Variants in PTGR1 observed in about 807,000 individuals in gnomAD.
PTGR1 encodes the protein 15-oxoprostaglandin 13-reductase.
PTGR1 carries 23 observed loss-of-function variants against 37.7 expected under a neutral mutation model. The ratio of observed to expected loss-of-function variants is 0.61; its 90% confidence interval spans 0.44 to 0.86. PTGR1 has a LOEUF of 0.86. PTGR1 is among the 40% of genes least tolerant of loss of function. The pLI, the probability that PTGR1 is intolerant of heterozygous loss-of-function variation, is 0.00. For synonymous variants in PTGR1, 134 were observed against 140.0 expected (o/e 0.96, Z 0.30); for missense variants, 351 against 394.3 (o/e 0.89, Z 0.93).
chr9:111,551,081 T>A (rs1320078468), intron 9 of PTGR1, among the ~76,000 whole-genome samples: 1 of 152,214 alleles, frequency 6.6e-6, no homozygotes. Flanking sequence ...AATTTCAAAT[T>A]TTCTAGTAGC....
At chr9:111,567,228 A>G (rs1191461664) in intron 9 of PTGR1, among the ~76,000 whole-genome samples, 1 of 152,190 alleles carries the variant, frequency 6.6e-6, no homozygotes, top group Non-Finnish European at 1.5e-5. Flanking sequence ...GTACTCTGTC[A>G]CTGTGCTGGA....
chr9:111,592,677 A>AC (rs1206017479), intron 4 of PTGR1: 2 of 440,502 alleles, frequency 4.5e-6, no homozygotes, highest in East Asian at 7.9e-5. Flanking sequence ...CTGGACAAAT[A>AC]CTTTTTTTTT....
At position 111,578,813 on chromosome 9, in the gene PTGR1, C is replaced by G; in HGVS notation, c.634G>C (p.Asp212His). ...GTACTTACATTATCAAAATAACAATCATAACCATCAGGAGACGCTTTCTTC... is the reference window on the plus strand; with the variant it reads ...GTACTTACATTATCAAAATAACAATGATAACCATCAGGAGACGCTTTCTTC... ...TLKKASPDGY[D>H]CYFDNVGGEF... The change falls in exon 7 of 10, where the codon GAT (aspartate) becomes CAT (histidine). Residue 212 changes from aspartate (D) to histidine (H), a missense_variant. Asp to His is a moderately conservative substitution (Grantham distance 81). Coordinates refer to ENST00000407693, the MANE Select transcript of PTGR1 (RefSeq NM_001146108.2). 6.2e-7 allele frequency: 1 copy of G among 1,602,448 alleles called. No individual in the cohort carries two copies. Among genetic ancestry groups the G allele is most frequent in the Non-Finnish European group, 8.5e-7 (1 of 1,176,456 alleles).
In PTGR1 at chr9:111,589,456, C is replaced by T. The variant is rs1012795412; in HGVS notation, c.210-3291G>A. ...GTTTTTTTAAGAGACAGGGTTTTGC[C>T]ATGTTTCCCAGGCTGGTCTTGAACT... is the stretch of plus-strand genomic sequence containing the variant. On this transcript the variant is annotated intron_variant, in intron 4 of 9. Transcript: ENST00000407693. The T allele has an allele frequency of 4.0e-6, 3 of 746,318 alleles. No homozygotes were observed. In the African/African-American group the frequency reaches 5.8e-5, roughly 14 times the overall value. The allele number at this position is 746,318 out of a possible 1,614,324, so 46.2% of individuals were successfully genotyped here. A position where few individuals can be genotyped will look rare whatever the true frequency, so the allele number is the denominator to read the frequency against.
intron 4 of PTGR1, among the ~76,000 whole-genome samples, chr9:111,586,803 CTATATATATA>C (rs1170334255): frequency 7.0e-6 from 1 of 143,672 alleles, no homozygotes; most frequent in East Asian, 2.0e-4. Flanking sequence ...CTCTCTCTCT[CTATATATATA>C]TATATATGCA....
intron 9 of PTGR1, among the ~76,000 whole-genome samples, chr9:111,555,179 C>T (rs764303850): frequency 7.9e-5 from 12 of 152,102 alleles, no homozygotes; most frequent in Non-Finnish European, 1.5e-4. Context: ...CCTCCAGGCC[C>T]AGGGTACCCA....
At chr9:111,551,950 T>A (rs910320335) in intron 9 of PTGR1, among the ~76,000 whole-genome samples, 2 of 152,062 alleles carry the variant, frequency 1.3e-5, no homozygotes, top group Non-Finnish European at 2.9e-5. Flanking sequence ...TAAAATTTTG[T>A]GCATATTGTC....
intron 8 of PTGR1, among the ~76,000 whole-genome samples, chr9:111,571,926 T>A (rs1426265478): frequency 6.6e-6 from 1 of 152,208 alleles, no homozygotes; most frequent in Non-Finnish European, 1.5e-5. Flanking sequence ...AAGAAGATAC[T>A]ACCCTTCTGC....
At chr9:111,592,739 T>G in intron 4 of PTGR1, 187 bp downstream of exon 4, 1 of 718,924 alleles carries the variant, frequency 1.4e-6, no homozygotes, top group African/African-American at 1.8e-5. Flanking sequence ...AATGACAATT[T>G]CACATCCTTC....
chr9:111,563,202 A>C lies in PTGR1; in HGVS notation c.909T>G (p.Ile303Met). 1 of 1,613,886 alleles carries C rather than the reference A, an allele frequency of 6.2e-7. No individual in the cohort carries two copies. The highest frequency in any genetic ancestry group is 8.5e-7 in the Non-Finnish European group (1 of 1,179,916). Reference sequence around the variant, plus strand: ...CAGCTGGCATGTTTTCAAATCCTTCAATGATATATTCCTTGTACTGGATTT... The same window carrying C: ...CAGCTGGCATGTTTTCAAATCCTTCCATGATATATTCCTTGTACTGGATTT... ...EGKIQYKEYI[I>M]EGFENMPAAF... Residue 303 changes from isoleucine (I) to methionine (M), a missense_variant, in exon 10 of 10, where the codon ATT (isoleucine) becomes ATG (methionine). Ile to Met is a conservative substitution (Grantham distance 10). Coordinates refer to ENST00000407693, the MANE Select transcript of PTGR1 (RefSeq NM_001146108.2).
intron 9 of PTGR1, among the ~76,000 whole-genome samples, chr9:111,555,231 C>T (rs1475230752): frequency 2.6e-5 from 4 of 152,128 alleles, no homozygotes; most frequent in African/African-American, 4.8e-5. Flanking sequence ...AAGATAATGC[C>T]TCTCATTTCC....
chr9:111,573,954 TC>T (rs1162945645), intron 8 of PTGR1, among the ~76,000 whole-genome samples: 1 of 152,088 alleles, frequency 6.6e-6, no homozygotes, highest in African/African-American at 2.4e-5. Flanking sequence ...AAGCTGCTGC[TC>T]CCTTCCCTTT....
Position 111,570,096 on chromosome 9 carries a change from A to G in PTGR1, c.874T>C (p.Leu292=). 6.2e-7 allele frequency: 1 copy of G among 1,614,132 alleles called. No homozygotes were observed. Among genetic ancestry groups the G allele is most frequent in the East Asian group, 2.2e-5 (1 of 44,874 alleles). ...GTGGCTCCGGAGCTCCTTACCTCTA[A>G]GACCCATTTCAGCAAGTCCTTCAGA... is the stretch of plus-strand genomic sequence containing the variant. The part of the protein sequence containing the change: ...KALKDLLKWV[L]EGKIQYKEYI... Residue 292 remains leucine (L), a synonymous_variant, in exon 9 of 10, where the codon TTA becomes CTA. Transcript: ENST00000407693.
At chr9:111,591,289 C>T (rs545395831) in intron 4 of PTGR1, among the ~76,000 whole-genome samples, 50 of 150,092 alleles carry the variant, frequency 3.3e-4, no homozygotes, top group African/African-American at 1.2e-3. Flanking sequence ...AAGAGTGAGA[C>T]TCCGTCTCAA....
chr9:111,580,583 C>A (rs1262994168), intron 6 of PTGR1, among the ~76,000 whole-genome samples: 1 of 152,032 alleles, frequency 6.6e-6, no homozygotes, highest in Non-Finnish European at 1.5e-5. Flanking sequence ...CGGAGAAACC[C>A]CATCTCTACT....
At chr9:111,567,837 C>T (rs1390239522) in intron 9 of PTGR1, among the ~76,000 whole-genome samples, 1 of 152,210 alleles carries the variant, frequency 6.6e-6, no homozygotes, top group Non-Finnish European at 1.5e-5. Context: ...AACGGAGGGA[C>T]TGGCTGGAGC....
intron 7 of PTGR1, among the ~76,000 whole-genome samples, chr9:111,575,936 T>C (rs1267996098): frequency 2.0e-5 from 3 of 152,082 alleles, no homozygotes; most frequent in Admixed American, 6.5e-5. Context: ...CTTCAAAGAA[T>C]ACCATCAAGA....
intron 9 of PTGR1, among the ~76,000 whole-genome samples, chr9:111,569,706 C>T (rs1231820846): frequency 2.6e-5 from 4 of 152,006 alleles, no homozygotes; most frequent in Admixed American, 1.3e-4. Context: ...CGGAGGTTGC[C>T]GTGAGCTGAG....
At chr9:111,552,103 AT>A (rs1827981947) in intron 9 of PTGR1, among the ~76,000 whole-genome samples, 1 of 152,156 alleles carries the variant, frequency 6.6e-6, no homozygotes, top group Admixed American at 6.5e-5. Context: ...ATGCAGCGTG[AT>A]ATTAGGGAGA....
Sources: allele counts gnomAD v4.1 joint callset (sites outside exome capture counted in the v4.1 genomes callset), GRCh38; gene constraint gnomAD v4.1.1; transcripts MANE v1.5; gene names NCBI Gene and HGNC (gene_info 2026-07-23, HGNC 2026-07-21).